Variants in FCER2 observed in about 807,000 individuals in gnomAD.
The protein encoded by FCER2 is low affinity immunoglobulin epsilon Fc receptor.
In FCER2, 38 loss-of-function variants were observed where a neutral mutation model predicts 49.7. The observed-to-expected ratio is 0.76, with a 90% confidence interval of 0.59 to 1.00. FCER2 has a LOEUF of 1.00. Ranked by LOEUF, FCER2 falls within the 50% of genes least tolerant of loss-of-function variation. The probability of loss-of-function intolerance (pLI) is 0.00; values close to 1 mark genes in which losing one functional copy is unlikely to be tolerated. For missense variants in FCER2, 425 were observed against 419.5 expected (o/e 1.01, Z -0.11); for synonymous variants, 163 against 164.6 (o/e 0.99, Z 0.07).
chr19:7,699,585 T>C, intron 2 of FCER2, 154 bp downstream of exon 2: 1 of 1,188,098 alleles, frequency 8.4e-7, no homozygotes, highest in Non-Finnish European at 1.2e-6. Context: ...GGAAAGTCAG[T>C]CCGGCCTCAC....
rs761508625 is a variant in FCER2 at position 7,690,282 on chromosome 19, G to A, written c.622-17C>T. On this transcript the variant is annotated splice_polypyrimidine_tract_variant and intron_variant, in intron 9 of 10. Transcript: ENST00000597921. ...CAGGAAGTCCTGGGGGACAGGACAG[G>A]GCTGGAGGACTGGAGACATGTGCCC... is the stretch of plus-strand genomic sequence containing the variant. The A allele has an allele frequency of 6.2e-7, 1 of 1,610,520 alleles. No homozygotes were observed. Among genetic ancestry groups the A allele is most frequent in the East Asian group, 2.2e-5 (1 of 44,838 alleles).
intron 1 of FCER2, chr19:7,700,085 G>T: frequency 2.6e-6 from 1 of 379,038 alleles, no homozygotes; most frequent in South Asian, 4.6e-5. Flanking sequence ...GTGCACCCAT[G>T]AGATCTTGAC....
chr19:7,697,384 T>C (rs2033044315), intron 5 of FCER2, 86 bp from the exon 6 acceptor site: 1 of 1,527,932 alleles, frequency 6.5e-7, no homozygotes, highest in African/African-American at 1.4e-5. Context: ...TCTCTTTGCC[T>C]GGGTTCTTGG....
intron 2 of FCER2, chr19:7,699,477 G>GTTTTTTTTTTTT: frequency 7.9e-7 from 1 of 1,261,416 alleles, no homozygotes; most frequent in South Asian, 1.4e-5. Flanking sequence ...AGCTGAAGCC[G>GTTTTTTTTTTTT]TTTTTTTTTT....
chr19:7,696,636 C>T (rs1435489781), intron 8 of FCER2, 189 bp downstream of exon 8: 2 of 602,994 alleles, frequency 3.3e-6, no homozygotes, highest in South Asian at 2.0e-5. Context: ...ATCACGCACA[C>T]CTCTGCCTCG....
intron 4 of FCER2, 148 bp downstream of exon 4, chr19:7,698,208 C>T (rs2033066272): frequency 1.2e-5 from 7 of 574,790 alleles, no homozygotes; most frequent in Admixed American, 1.0e-4. Context: ...CCAAGCTTCC[C>T]TGGGTCCCCG....
Position 7,697,230 on chromosome 19 carries a change from T to C in FCER2, c.316+6A>G. On this transcript the variant is annotated splice_donor_region_variant and intron_variant, in intron 6 of 10. Transcript: ENST00000597921. ...TGGCTTCATAACCCCGATCCCAGTC[T>C]CTCACCCTGAGATTTCAATCTCTGC... The C allele has an allele frequency of 1.9e-6, 3 of 1,613,988 alleles. No individual in the cohort carries two copies. In the South Asian group the frequency reaches 3.3e-5, roughly 18 times the overall value.
chr19:7,698,970 T>G, intron 2 of FCER2, 116 bp from the exon 3 acceptor site: 1 of 1,106,932 alleles, frequency 9.0e-7, no homozygotes, highest in Non-Finnish European at 1.3e-6. Context: ...GAGCCCACAC[T>G]GAAGCAAAGG....
At chr19:7,699,659 G>GA in intron 2 of FCER2, 80 bp downstream of exon 2, 1 of 1,395,818 alleles carries the variant, frequency 7.2e-7, no homozygotes, top group South Asian at 1.2e-5. Flanking sequence ...GGACTGGGGA[G>GA]CCCCGCTTCT....
chr19:7,696,764 C>T, intron 8 of FCER2, 61 bp downstream of exon 8: 1 of 1,303,650 alleles, frequency 7.7e-7, no homozygotes, highest in Non-Finnish European at 1.1e-6. Flanking sequence ...TCACATTTGC[C>T]AACACGCCCG....
intron 4 of FCER2, 34 bp downstream of exon 4, chr19:7,698,322 C>T (rs775317271): frequency 1.0e-5 from 15 of 1,494,550 alleles, no homozygotes; most frequent in Non-Finnish European, 1.3e-5. Flanking sequence ...TCCTAACCCT[C>T]ACCCCCACCC....
chr19:7,696,986 A>T (rs747034906), intron 7 of FCER2, 27 bp downstream of exon 7: 2 of 1,510,784 alleles, frequency 1.3e-6, no homozygotes, highest in Non-Finnish European at 1.8e-6. Context: ...TCCCTCCCCC[A>T]CTGCCCCATC....
chr19:7,690,895 T>C (rs2032849091), intron 8 of FCER2, among the ~76,000 whole-genome samples: 1 of 151,544 alleles, frequency 6.6e-6, no homozygotes, highest in Non-Finnish European at 1.5e-5. Flanking sequence ...CACCACACAT[T>C]CATGTCCAAT....
At chr19:7,695,892 G>A (rs1022259851) in intron 8 of FCER2, among the ~76,000 whole-genome samples, 1 of 150,988 alleles carries the variant, frequency 6.6e-6, no homozygotes, top group Admixed American at 6.6e-5. Flanking sequence ...ATTTCAGCCT[G>A]GGCAAAAGAG....
At chr19:7,700,688 T>C (rs1031089129) in intron 1 of FCER2, among the ~76,000 whole-genome samples, 1 of 151,966 alleles carries the variant, frequency 6.6e-6, no homozygotes, top group Non-Finnish European at 1.5e-5. Flanking sequence ...ATAATTTTTG[T>C]ATTTTTAGTA....
At position 7,696,870 on chromosome 19, in the gene FCER2, G is replaced by A. The variant is rs375613452; in HGVS notation, c.424C>T (p.Arg142Trp). The change falls in exon 8 of 11, where the codon CGG becomes TGG. Residue 142 changes from arginine to tryptophan, a missense_variant. Transcript: ENST00000597921. ...NEASDLLERL[R>W]EEVTKLRMEL... ...ATCCTTAGCTTTGTCACCTCCTCCCGGAGTCTTTCCAGCAAATCTGAAGCT... is the reference window on the plus strand; with the variant it reads ...ATCCTTAGCTTTGTCACCTCCTCCCAGAGTCTTTCCAGCAAATCTGAAGCT... 5.4e-5 allele frequency: 85 copies of A among 1,587,416 alleles called. 1 individual carries two copies. In the African/African-American group the frequency reaches 8.2e-4, roughly 15 times the overall value.
chr19:7,692,883 A>G (rs62110732), intron 8 of FCER2, among the ~76,000 whole-genome samples: 51,599 of 151,514 alleles, frequency 0.34, 9,646 homozygotes, highest in African/African-American at 0.5. Context: ...ATCCAATAAC[A>G]CTTCAACCAC....
chr19:7,696,363 A>C (rs1367748813), intron 8 of FCER2, among the ~76,000 whole-genome samples: 1 of 151,822 alleles, frequency 6.6e-6, no homozygotes, highest in East Asian at 1.9e-4. Flanking sequence ...GACCTCCCTA[A>C]GTGCTGGGAT....
chr19:7,689,541 T>A (rs1404354102), intron 10 of FCER2, 111 bp from the exon 11 acceptor site: 2 of 667,046 alleles, frequency 3.0e-6, no homozygotes, highest in African/African-American at 3.6e-5. Flanking sequence ...CCATCCTGAG[T>A]CTGTGCCTGG....
Sources: allele counts gnomAD v4.1 joint callset (sites outside exome capture counted in the v4.1 genomes callset), GRCh38; gene constraint gnomAD v4.1.1; transcripts MANE v1.5; gene names NCBI Gene and HGNC (gene_info 2026-07-23, HGNC 2026-07-21).